Variants in LINGO2 observed in about 807,000 individuals in gnomAD.
LINGO2 encodes the protein leucine rich repeat and Ig domain containing 2.
LINGO2 carries 14 observed loss-of-function variants against 30.6 expected under a neutral mutation model. The observed-to-expected ratio is 0.46, with a 90% CI of 0.30 to 0.72. The LOEUF is 0.72. Ranked by LOEUF, LINGO2 falls within the 30% of genes least tolerant of loss-of-function variation. LINGO2 has a pLI of 0.07. For synonymous variants in LINGO2, 317 were observed against 288.5 expected (o/e 1.10, Z -1.00); for missense variants, 729 against 751.7 (o/e 0.97, Z 0.35).
chr9:28,028,454 A>C (rs1299897668), intron 4 of LINGO2, among the ~76,000 whole-genome samples: 1 of 152,138 alleles, frequency 6.6e-6, no homozygotes, highest in East Asian at 1.9e-4. Flanking sequence ...AGGTTTCTAT[A>C]GATGCTATAC....
intron 3 of LINGO2, among the ~76,000 whole-genome samples, chr9:28,300,843 T>TTATGGA (rs1241205036): frequency 6.6e-6 from 1 of 150,578 alleles, no homozygotes; most frequent in Admixed American, 6.6e-5. Flanking sequence ...AACCAACAAA[T>TTATGGA]TATGGAAGAA....
At chr9:28,885,685 G>A in the LINGO2 span, among the ~76,000 whole-genome samples, 1 of 152,070 alleles carries the variant, frequency 6.6e-6, no homozygotes, top group Non-Finnish European at 1.5e-5. Flanking sequence ...GGAACTAATT[G>A]CAATGAATAA....
At chr9:28,469,244 A>G (rs568255922) in intron 2 of LINGO2, among the ~76,000 whole-genome samples, 1 of 152,030 alleles carries the variant, frequency 6.6e-6, no homozygotes, top group East Asian at 1.9e-4. Context: ...AAAGTCACCT[A>G]AAACTATTAA....
intron 1 of LINGO2, among the ~76,000 whole-genome samples, chr9:28,564,811 G>T (rs1823281500): frequency 6.6e-6 from 1 of 152,020 alleles, no homozygotes; most frequent in Non-Finnish European, 1.5e-5. Flanking sequence ...TTCCTCTACT[G>T]CACTAGCCAC....
the LINGO2 span, among the ~76,000 whole-genome samples, chr9:29,003,387 CATT>C: frequency 6.6e-6 from 1 of 151,958 alleles, no homozygotes; most frequent in East Asian, 1.9e-4. Context: ...AAGTGACTAT[CATT>C]ATCCCACAGG....
chr9:28,179,458 A>AGT (rs1288060744), intron 4 of LINGO2, among the ~76,000 whole-genome samples: 11 of 138,082 alleles, frequency 8.0e-5, no homozygotes, highest in African/African-American at 2.9e-4. Context: ...CATATACTAT[A>AGT]GTGTATATAT....
Position 28,148,022 on chromosome 9 carries a change from C to T in LINGO2, c.-86-135617G>A, listed in dbSNP as rs1839961. On this transcript the variant is annotated intron_variant, in intron 4 of 5. Coordinates refer to ENST00000379992, the Ensembl canonical transcript of LINGO2. This position sits in a 1 kb window ranked among gnomAD's most constrained non-coding sequence, Gnocchi z 5.1. ...ATTAAGCATATTTTGTTCCTGGTTC[C>T]GCCACAGGTCCTGGCCATGCCATTG... 0.084 allele frequency among the ~76,000 whole-genome samples: 12,771 copies of T among 152,188 alleles called. 613 individuals carry two copies. Among genetic ancestry groups the T allele is most frequent in the East Asian group, 0.19 (1,000 of 5,140 alleles).
chr9:28,149,612 GC>G (rs1400938135), intron 4 of LINGO2, among the ~76,000 whole-genome samples: 4 of 150,264 alleles, frequency 2.7e-5, no homozygotes, highest in Non-Finnish European at 5.9e-5. Flanking sequence ...AGTGAGGAGT[GC>G]CTGTGCCCGG....
intron 4 of LINGO2, among the ~76,000 whole-genome samples, chr9:28,165,058 A>G (rs10968359): frequency 0.99 from 151,040 of 152,292 alleles, 74,916 homozygotes; most frequent in Middle Eastern, 1. Flanking sequence ...CCTACATTAG[A>G]CTGTTCTTCC....
At chr9:28,216,629 A>G (rs565891468) in intron 4 of LINGO2, among the ~76,000 whole-genome samples, 6 of 152,032 alleles carry the variant, frequency 3.9e-5, no homozygotes, top group African/African-American at 1.4e-4. Flanking sequence ...TCCAAAAATT[A>G]TATCTATTTA....
At chr9:28,700,370 C>G in the LINGO2 span, among the ~76,000 whole-genome samples, 3 of 152,044 alleles carry the variant, frequency 2.0e-5, no homozygotes, top group Non-Finnish European at 4.4e-5. Context: ...TCTCTAGAAT[C>G]TCCTATAGTT....
chr9:29,107,650 C>G, the LINGO2 span, among the ~76,000 whole-genome samples: 1 of 152,016 alleles, frequency 6.6e-6, no homozygotes. Flanking sequence ...AATTCTCAAA[C>G]TGAATGAAAA....
At chr9:28,009,562 GAT>G (rs1484409707) in intron 5 of LINGO2, among the ~76,000 whole-genome samples, 1 of 151,996 alleles carries the variant, frequency 6.6e-6, no homozygotes, top group East Asian at 1.9e-4. Flanking sequence ...GATCTGAATA[GAT>G]ATGTCTCCCA....
At chr9:28,209,455 G>A (rs1477721264) in intron 4 of LINGO2, among the ~76,000 whole-genome samples, 1 of 151,698 alleles carries the variant, frequency 6.6e-6, no homozygotes, top group Non-Finnish European at 1.5e-5. Flanking sequence ...TGTTACACTA[G>A]GTATAATGGC....
chr9:28,066,538 A>G (rs1165169846), intron 4 of LINGO2, among the ~76,000 whole-genome samples: 1 of 152,062 alleles, frequency 6.6e-6, no homozygotes, highest in Non-Finnish European at 1.5e-5. Flanking sequence ...GAGAATAGGA[A>G]TTCTTATGAG....
intron 4 of LINGO2, among the ~76,000 whole-genome samples, chr9:28,059,692 A>C (rs1400469189): frequency 6.6e-6 from 1 of 152,142 alleles, no homozygotes; most frequent in African/African-American, 2.4e-5. Context: ...ATATAAATAT[A>C]TTCAATTATG....
At chr9:28,938,375 C>CT in the LINGO2 span, among the ~76,000 whole-genome samples, 1 of 152,184 alleles carries the variant, frequency 6.6e-6, no homozygotes, top group East Asian at 1.9e-4. Flanking sequence ...GTTCAATTTC[C>CT]TTTTTGCTTA....
the LINGO2 span, among the ~76,000 whole-genome samples, chr9:28,813,908 T>C: frequency 6.6e-6 from 1 of 152,120 alleles, no homozygotes; most frequent in Non-Finnish European, 1.5e-5. Context: ...TACAAGAACC[T>C]GAAAGGTCAG....
chr9:28,456,378 T>C (rs569966194), intron 2 of LINGO2, among the ~76,000 whole-genome samples: 44 of 152,288 alleles, frequency 2.9e-4, no homozygotes, highest in African/African-American at 9.9e-4. Context: ...CCAAGACTTT[T>C]CTCCATTCTC....
Sources: gnomAD v4.1 joint callset for allele counts (sites outside exome capture counted in the v4.1 genomes callset) on GRCh38, gnomAD v4.1.1 for gene constraint, Gnocchi (gnomAD v3.1) non-coding constraint, MANE v1.5 for transcripts, NCBI Gene and HGNC (gene_info 2026-07-23, HGNC 2026-07-21) for gene names.